SLC9A9: variants seen among roughly 807,000 people sequenced by gnomAD.
SLC9A9 encodes solute carrier family 9 member A9, also known as sodium/hydrogen exchanger 9.
Under a neutral mutation model 77.8 loss-of-function variants are expected in SLC9A9, and 62 were observed. The ratio of observed to expected loss-of-function variants is 0.80; its 90% CI spans 0.65 to 0.98. SLC9A9 has a LOEUF of 0.98. SLC9A9 is among the 50% of genes least tolerant of loss of function. The probability of loss-of-function intolerance (pLI) is 0.00; values close to 1 mark genes in which losing one functional copy is unlikely to be tolerated. For synonymous variants in SLC9A9, 320 were observed against 283.5 expected (o/e 1.13, Z -1.29); for missense variants, 775 against 774.9 (o/e 1.00, Z 0.00).
intron 8 of SLC9A9, among the ~76,000 whole-genome samples, chr3:143,564,463 C>T (rs937158534): frequency 6.6e-6 from 1 of 152,020 alleles, no homozygotes; most frequent in Non-Finnish European, 1.5e-5. Flanking sequence ...TCAGATGGTC[C>T]TCTGAGGGGT....
rs1482292642 is a variant in SLC9A9 at position 143,291,077 on chromosome 3, G to A, written c.1605-22097C>T. On this transcript the variant is annotated intron_variant, in intron 14 of 15. Transcript: ENST00000316549. ...AGTGCTTGGGATTGGGTGAAGCCACGCAACTCTGCCAGGCCAGCACTGCAG... is the reference window on the plus strand; with the variant it reads ...AGTGCTTGGGATTGGGTGAAGCCACACAACTCTGCCAGGCCAGCACTGCAG... 1.3e-5 allele frequency among the ~76,000 whole-genome samples: 2 copies of A among 152,218 alleles called. 1 individual carries two copies. The highest frequency in any genetic ancestry group is 4.1e-4 in the South Asian group (2 of 4,828).
chr3:143,650,829 G>A (rs1226964150), intron 6 of SLC9A9, among the ~76,000 whole-genome samples: 3 of 152,190 alleles, frequency 2.0e-5, no homozygotes, highest in East Asian at 1.9e-4. Flanking sequence ...ATATTGACAT[G>A]AGGAGATACT....
chr3:143,318,561 C>T lies in SLC9A9; in HGVS notation c.1604+44923G>A, dbSNP rs534469946. On this transcript the variant is annotated intron_variant, in intron 14 of 15. Coordinates refer to ENST00000316549, the MANE Select transcript of SLC9A9 (RefSeq NM_173653.4). ...GCCAGTAAATGTAATAGCTAACCAT[C>T]GGGAAGCATGAAGTGGCCCAAATAA... Among the ~76,000 whole-genome samples, 12 of 152,284 alleles carry T rather than the reference C, an allele frequency of 7.9e-5. No homozygotes were observed. The South Asian group carries it at 1.0e-3, about 13-fold the overall frequency.
At chr3:143,541,616 A>C (rs1019291943) in intron 9 of SLC9A9, among the ~76,000 whole-genome samples, 1 of 152,224 alleles carries the variant, frequency 6.6e-6, no homozygotes, top group African/African-American at 2.4e-5. Context: ...TTTAATTGAC[A>C]GTGCATATCC....
At chr3:143,550,970 G>T (rs2036871084) in intron 9 of SLC9A9, among the ~76,000 whole-genome samples, 1 of 152,206 alleles carries the variant, frequency 6.6e-6, no homozygotes, top group African/African-American at 2.4e-5. Context: ...CTCAAAATGT[G>T]ACTTTACTTG....
chr3:143,567,025 A>G (rs1173045043), intron 8 of SLC9A9, among the ~76,000 whole-genome samples: 2 of 152,182 alleles, frequency 1.3e-5, no homozygotes, highest in African/African-American at 2.4e-5. Flanking sequence ...TATTCATTTA[A>G]AAATAATGGC....
At chr3:143,609,050 CT>C (rs1378206498) in intron 6 of SLC9A9, among the ~76,000 whole-genome samples, 1 of 152,112 alleles carries the variant, frequency 6.6e-6, no homozygotes, top group African/African-American at 2.4e-5. Flanking sequence ...CTGTAATTCC[CT>C]TATCTGATCC....
intron 5 of SLC9A9, among the ~76,000 whole-genome samples, chr3:143,684,740 T>C (rs917322494): frequency 6.6e-6 from 1 of 152,108 alleles, no homozygotes. Context: ...ATGGCACATA[T>C]ATGATATTTG....
chr3:143,785,878 A>C, intron 4 of SLC9A9, among the ~76,000 whole-genome samples: 1 of 99,600 alleles, frequency 1.0e-5, no homozygotes, highest in Non-Finnish European at 1.9e-5. Flanking sequence ...TTTTTTTGAG[A>C]CGGAGTTTCG....
intron 5 of SLC9A9, among the ~76,000 whole-genome samples, chr3:143,668,375 A>G (rs1430360322): frequency 6.6e-6 from 1 of 151,538 alleles, no homozygotes; most frequent in Admixed American, 6.6e-5. Flanking sequence ...AGATATACCT[A>G]ATGTAAATGA....
intron 3 of SLC9A9, among the ~76,000 whole-genome samples, chr3:143,795,290 A>AC (rs2008350878): frequency 8.8e-5 from 13 of 148,034 alleles, no homozygotes; most frequent in South Asian, 4.5e-4. Flanking sequence ...AGAAAAAAAA[A>AC]AAAAAAAAAA....
chr3:143,594,040 T>C lies in SLC9A9; in HGVS notation c.756-15317A>G, dbSNP rs140460431. Among the ~76,000 whole-genome samples the C allele has an allele frequency of 7.6e-3, 1,164 of 152,298 alleles. 14 individuals carry two copies. The highest frequency in any genetic ancestry group is 0.027 in the African/African-American group (1,117 of 41,568). ...TGGAGGGGAAGGAGGGTATTGGTTC[T>C]GTTAAATTATTTACATTAAAATGTT... On this transcript the variant is annotated intron_variant, in intron 6 of 15. Coordinates refer to ENST00000316549, the MANE Select transcript of SLC9A9 (RefSeq NM_173653.4).
intron 4 of SLC9A9, among the ~76,000 whole-genome samples, chr3:143,786,328 T>C (rs1036275798): frequency 1.3e-5 from 2 of 152,248 alleles, no homozygotes; most frequent in Admixed American, 6.5e-5. Flanking sequence ...CAATCTTACA[T>C]ATCATTTTTC....
chr3:143,846,025 C>T (rs1576768217), intron 1 of SLC9A9, among the ~76,000 whole-genome samples: 1 of 152,244 alleles, frequency 6.6e-6, no homozygotes, highest in Admixed American at 6.5e-5. Context: ...GGTCAATGAA[C>T]TACTATTTTA....
intron 12 of SLC9A9, among the ~76,000 whole-genome samples, chr3:143,426,475 A>G (rs929569969): frequency 6.6e-6 from 1 of 152,162 alleles, no homozygotes; most frequent in Non-Finnish European, 1.5e-5. Flanking sequence ...CCCAGCTCAG[A>G]GTTTATTGAT....
chr3:143,584,301 G>C (rs2037504905), intron 6 of SLC9A9, among the ~76,000 whole-genome samples: 1 of 152,088 alleles, frequency 6.6e-6, no homozygotes, highest in South Asian at 2.1e-4. Flanking sequence ...TCAAGCTCCT[G>C]GCGGCCCTGG....
intron 13 of SLC9A9, among the ~76,000 whole-genome samples, chr3:143,366,728 C>T (rs997809689): frequency 1.1e-4 from 17 of 152,244 alleles, no homozygotes; most frequent in African/African-American, 4.1e-4. Flanking sequence ...ATTATTATTC[C>T]TATTTTACAG....
chr3:143,715,662 T>C (rs1934324730), intron 4 of SLC9A9, among the ~76,000 whole-genome samples: 1 of 152,120 alleles, frequency 6.6e-6, no homozygotes. Context: ...AAGCTACTTG[T>C]CAAATGAAAG....
chr3:143,662,020 C>A (rs1214494800), intron 5 of SLC9A9, among the ~76,000 whole-genome samples: 1 of 152,158 alleles, frequency 6.6e-6, no homozygotes, highest in Non-Finnish European at 1.5e-5. Context: ...CATCACTGAC[C>A]ACAAACTTTA....
Sources: allele counts gnomAD v4.1 joint callset (sites outside exome capture counted in the v4.1 genomes callset), GRCh38; gene constraint gnomAD v4.1.1; transcripts MANE v1.5; gene names NCBI Gene and HGNC (gene_info 2026-07-23, HGNC 2026-07-21).